KCNG3: variants seen among roughly 807,000 people sequenced by gnomAD.
The protein encoded by KCNG3 is potassium voltage-gated channel modifier subfamily G member 3.
KCNG3 carries 15 observed loss-of-function variants against 29.0 expected under a neutral mutation model. The observed-to-expected ratio is 0.52, with a 90% CI of 0.35 to 0.80. KCNG3 has a LOEUF of 0.80. Among genes scored for constraint, KCNG3 ranks in the 30% least tolerant of loss-of-function variants. The pLI, the probability that KCNG3 is intolerant of heterozygous loss-of-function variation, is 0.01. For synonymous variants in KCNG3, 322 were observed against 248.9 expected (o/e 1.29, Z -2.76); for missense variants, 512 against 605.7 (o/e 0.85, Z 1.62).
At chr2:42,433,989 AAAG>A in the KCNG3 span, among the ~76,000 whole-genome samples, 1 of 152,196 alleles carries the variant, frequency 6.6e-6, no homozygotes, top group African/African-American at 2.4e-5. Context: ...GAAAGAAATT[AAAG>A]AAGACATAAG....
chr2:42,404,509 G>A, the KCNG3 span, among the ~76,000 whole-genome samples: 1 of 152,140 alleles, frequency 6.6e-6, no homozygotes. Flanking sequence ...AGGCAGATTT[G>A]TGTGAGCTCA....
chr2:42,400,225 C>A, the KCNG3 span, among the ~76,000 whole-genome samples: 2 of 152,072 alleles, frequency 1.3e-5, no homozygotes, highest in Non-Finnish European at 2.9e-5. Context: ...AGAGATGAAG[C>A]CCAATTGGAA....
At chr2:42,417,175 G>T in the KCNG3 span, among the ~76,000 whole-genome samples, 1 of 152,168 alleles carries the variant, frequency 6.6e-6, no homozygotes, top group Non-Finnish European at 1.5e-5. Context: ...CCTGGGCAGT[G>T]GAGGTTGCAG....
At chr2:42,488,279 A>G (rs1673779525) in intron 1 of KCNG3, among the ~76,000 whole-genome samples, 1 of 152,228 alleles carries the variant, frequency 6.6e-6, no homozygotes, top group African/African-American at 2.4e-5. Context: ...TAGATTGTGC[A>G]CTGTGCCAAA....
the KCNG3 span, among the ~76,000 whole-genome samples, chr2:42,415,932 T>C: frequency 6.6e-6 from 1 of 152,202 alleles, no homozygotes; most frequent in Non-Finnish European, 1.5e-5. Flanking sequence ...CAGTGGCTCA[T>C]GGCTGTAATC....
At chr2:42,430,124 T>C in the KCNG3 span, among the ~76,000 whole-genome samples, 1 of 152,158 alleles carries the variant, frequency 6.6e-6, no homozygotes, top group Non-Finnish European at 1.5e-5. Flanking sequence ...TCCAGCAATT[T>C]GGGTGGCCAA....
At chr2:42,388,915 G>A in the KCNG3 span, among the ~76,000 whole-genome samples, 1 of 151,714 alleles carries the variant, frequency 6.6e-6, no homozygotes, top group African/African-American at 2.4e-5. Flanking sequence ...CTTTGTTTTG[G>A]TTTTTGTTTG....
At chr2:42,424,450 A>C in the KCNG3 span, among the ~76,000 whole-genome samples, 7 of 152,010 alleles carry the variant, frequency 4.6e-5, no homozygotes, top group African/African-American at 1.7e-4. Context: ...AAAAAAAAAA[A>C]AACCCAAAAC....
chr2:42,458,720 C>G (rs1294161909), intron 1 of KCNG3, among the ~76,000 whole-genome samples: 1 of 151,836 alleles, frequency 6.6e-6, no homozygotes. Context: ...GCAAGGAGTT[C>G]TGTCCTGCTA....
At chr2:42,460,183 G>C (rs561914301) in intron 1 of KCNG3, among the ~76,000 whole-genome samples, 1 of 151,844 alleles carries the variant, frequency 6.6e-6, no homozygotes, top group Non-Finnish European at 1.5e-5. Flanking sequence ...GGACAACATA[G>C]CAAGACCCTT....
intron 1 of KCNG3, 112 bp downstream of exon 1, chr2:42,492,725 C>A: frequency 5.6e-6 from 6 of 1,069,748 alleles, no homozygotes; most frequent in Non-Finnish European, 7.4e-6. Context: ...GCTGGGCGCG[C>A]ACCCCGCTGG....
the KCNG3 span, among the ~76,000 whole-genome samples, chr2:42,398,379 T>G: frequency 4.6e-5 from 7 of 152,174 alleles, no homozygotes; most frequent in Non-Finnish European, 1.0e-4. Context: ...GCTCAACTTC[T>G]GAGCATCCAG....
intron 1 of KCNG3, among the ~76,000 whole-genome samples, chr2:42,466,753 C>CCTTTTTTTTTTTTTT (rs1553329191): frequency 7.4e-6 from 1 of 134,270 alleles, no homozygotes. Flanking sequence ...AATACTCTTC[C>CCTTTTTTTTTTTTTT]TTTTTTTTTT....
chr2:42,429,319 A>G, the KCNG3 span, among the ~76,000 whole-genome samples: 3 of 152,218 alleles, frequency 2.0e-5, no homozygotes, highest in Admixed American at 2.0e-4. Context: ...CTGCTTATTT[A>G]GTAATTAGCT....
At chr2:42,477,731 T>C (rs907994195) in intron 1 of KCNG3, among the ~76,000 whole-genome samples, 6 of 151,730 alleles carry the variant, frequency 4.0e-5, no homozygotes, top group African/African-American at 1.5e-4. Flanking sequence ...ATATAAAAAT[T>C]AGCCAAGCAT....
intron 1 of KCNG3, among the ~76,000 whole-genome samples, chr2:42,473,717 G>C (rs1243843017): frequency 2.0e-5 from 3 of 151,912 alleles, no homozygotes; most frequent in South Asian, 4.1e-4. Flanking sequence ...GATAGATGTA[G>C]TCAAGAAAAA....
At chr2:42,480,886 T>C (rs758594297) in intron 1 of KCNG3, among the ~76,000 whole-genome samples, 2 of 151,996 alleles carry the variant, frequency 1.3e-5, no homozygotes, top group African/African-American at 4.8e-5. Flanking sequence ...GTTCAAGCAA[T>C]TTTTGTGCCT....
At chr2:42,466,846 G>A (rs1019491038) in intron 1 of KCNG3, among the ~76,000 whole-genome samples, 3 of 148,486 alleles carry the variant, frequency 2.0e-5, no homozygotes, top group Admixed American at 1.4e-4. Context: ...TCTGCCACCC[G>A]GGTTCAAGCG....
intron 1 of KCNG3, among the ~76,000 whole-genome samples, chr2:42,464,790 G>C (rs1673100406): frequency 6.6e-6 from 1 of 152,128 alleles, no homozygotes; most frequent in African/African-American, 2.4e-5. Context: ...GCTTCTCCCT[G>C]ATGTTCCTAC....
Sources: allele counts gnomAD v4.1 joint callset (sites outside exome capture counted in the v4.1 genomes callset), GRCh38; gene constraint gnomAD v4.1.1; transcripts MANE v1.5; gene names NCBI Gene and HGNC (gene_info 2026-07-23, HGNC 2026-07-21).